PRR5L: variants seen among roughly 807,000 people sequenced by gnomAD.
PRR5L encodes the protein proline-rich protein 5-like.
Under a neutral mutation model 36.4 loss-of-function variants are expected in PRR5L, and 21 were observed. The ratio of observed to expected loss-of-function variants is 0.58; its 90% CI spans 0.41 to 0.83. The LOEUF is 0.83. PRR5L is among the 40% of genes least tolerant of loss of function. The pLI, the probability that PRR5L is intolerant of heterozygous loss-of-function variation, is 0.00. For missense variants in PRR5L, 381 were observed against 473.3 expected (o/e 0.80, Z 1.81); for synonymous variants, 188 against 197.0 (o/e 0.95, Z 0.38).
chr11:36,308,780 C>G (rs889431841), intron 1 of PRR5L, among the ~76,000 whole-genome samples: 2 of 152,172 alleles, frequency 1.3e-5, no homozygotes, highest in African/African-American at 4.8e-5. Flanking sequence ...ATGACTCTAT[C>G]AGAGGCTTTA....
intron 1 of PRR5L, among the ~76,000 whole-genome samples, chr11:36,299,877 A>G (rs1355659851): frequency 6.6e-6 from 1 of 151,572 alleles, no homozygotes; most frequent in Non-Finnish European, 1.5e-5. Flanking sequence ...ATAAAGGTAA[A>G]CAACAACAAC....
intron 8 of PRR5L, 67 bp from the exon 9 acceptor site, chr11:36,462,275 G>T: frequency 7.0e-7 from 1 of 1,431,772 alleles, no homozygotes; most frequent in Non-Finnish European, 9.2e-7. Context: ...CCCCCAGTTG[G>T]ATTAGGAGCT....
intron 2 of PRR5L, among the ~76,000 whole-genome samples, chr11:36,401,528 G>A (rs765012660): frequency 3.0e-4 from 46 of 152,072 alleles, no homozygotes; most frequent in Non-Finnish European, 5.9e-4. Context: ...GGGCTCGGGC[G>A]ATCCTCCTGC....
At chr11:36,369,788 G>T (rs1857180113) in intron 1 of PRR5L, among the ~76,000 whole-genome samples, 1 of 152,158 alleles carries the variant, frequency 6.6e-6, no homozygotes, top group East Asian at 1.9e-4. Flanking sequence ...GTAGAGATGG[G>T]GTTTCACCAT....
intron 1 of PRR5L, among the ~76,000 whole-genome samples, chr11:36,337,234 G>C (rs143957850): frequency 6.6e-6 from 1 of 152,260 alleles, no homozygotes; most frequent in African/African-American, 2.4e-5. Context: ...CCTTTCAGAG[G>C]TGATTAGGCC....
intron 3 of PRR5L, among the ~76,000 whole-genome samples, chr11:36,414,809 T>A (rs1366882140): frequency 2.0e-5 from 3 of 147,650 alleles, no homozygotes; most frequent in African/African-American, 7.7e-5. Context: ...TGAATGGTAA[T>A]GCCTAGGTTT....
intron 1 of PRR5L, among the ~76,000 whole-genome samples, chr11:36,384,352 G>A (rs1358141001): frequency 1.3e-5 from 2 of 152,100 alleles, no homozygotes; most frequent in Non-Finnish European, 2.9e-5. Flanking sequence ...ACAGCCCTTG[G>A]TGTCTGCATT....
At position 36,376,270 on chromosome 11, in the gene PRR5L, C is replaced by T. The variant is rs11826255; in HGVS notation, c.-125-24727C>T. 3,983 of 1,184,508 alleles carry T rather than the reference C, an allele frequency of 3.4e-3. 109 individuals carry two copies. In the African/African-American group the frequency reaches 0.058, roughly 17 times the overall value. The allele number at this position is 1,184,508 out of a possible 1,614,324, so 73.4% of individuals were successfully genotyped here. A position where few individuals can be genotyped will look rare whatever the true frequency, so the allele number is the denominator to read the frequency against. On this transcript the variant is annotated intron_variant, in intron 1 of 8. Transcript: ENST00000530639. ...GGGGGACATTGGAGAGACACTAAAG[C>T]TAGGTGCCCGGGACAGGAAAAGTGG... is the stretch of plus-strand genomic sequence containing the variant.
At chr11:36,409,329 C>A (rs1857976937) in intron 3 of PRR5L, among the ~76,000 whole-genome samples, 1 of 152,146 alleles carries the variant, frequency 6.6e-6, no homozygotes, top group South Asian at 2.1e-4. Context: ...CTGCAGCCGG[C>A]CTGAGACAGG....
intron 1 of PRR5L, among the ~76,000 whole-genome samples, chr11:36,372,074 A>T (rs1199821400): frequency 6.6e-6 from 1 of 152,194 alleles, no homozygotes; most frequent in Non-Finnish European, 1.5e-5. Flanking sequence ...ATAAAAAAAA[A>T]TAATAATAAA....
chr11:36,316,654 G>T (rs925377864), intron 1 of PRR5L, among the ~76,000 whole-genome samples: 18 of 152,228 alleles, frequency 1.2e-4, no homozygotes, highest in African/African-American at 3.9e-4. Flanking sequence ...CCAGTGCAGG[G>T]TCTGCAAAAT....
chr11:36,438,706 G>A (rs191368233), intron 6 of PRR5L, among the ~76,000 whole-genome samples: 45 of 152,228 alleles, frequency 3.0e-4, no homozygotes, highest in African/African-American at 1.1e-3. Flanking sequence ...TTGGGAGGCT[G>A]AGGTGGGTGG....
At chr11:36,298,807 T>C (rs1376893459) in intron 1 of PRR5L, among the ~76,000 whole-genome samples, 1 of 152,202 alleles carries the variant, frequency 6.6e-6, no homozygotes, top group Non-Finnish European at 1.5e-5. Flanking sequence ...TCCTGAGGTC[T>C]CTGTCCTTGG....
chr11:36,432,254 C>G, intron 5 of PRR5L, among the ~76,000 whole-genome samples: 1 of 152,064 alleles, frequency 6.6e-6, no homozygotes, highest in East Asian at 1.9e-4. Context: ...GTGAATCCTC[C>G]ATGCTATTTC....
intron 1 of PRR5L, among the ~76,000 whole-genome samples, chr11:36,319,170 C>T (rs1382391615): frequency 6.6e-6 from 1 of 152,192 alleles, no homozygotes; most frequent in Non-Finnish European, 1.5e-5. Context: ...AAGCAATCAG[C>T]AAGTCTCATC....
chr11:36,311,187 C>A (rs1158395635), intron 1 of PRR5L, among the ~76,000 whole-genome samples: 2 of 152,076 alleles, frequency 1.3e-5, no homozygotes, highest in Non-Finnish European at 2.9e-5. Flanking sequence ...TTTCTTAATT[C>A]TCATTTTGTT....
chr11:36,350,995 T>TATTTATATAG (rs1176848313), intron 1 of PRR5L, among the ~76,000 whole-genome samples: 1 of 84,542 alleles, frequency 1.2e-5, no homozygotes, highest in South Asian at 3.1e-4. Context: ...TATTTATATA[T>TATTTATATAG]TTATATATAT....
intron 8 of PRR5L, among the ~76,000 whole-genome samples, chr11:36,458,223 C>T (rs760211886): frequency 7.9e-5 from 12 of 152,150 alleles, no homozygotes; most frequent in South Asian, 2.1e-4. Context: ...AGTGGGTGGG[C>T]TGCTTCAAGG....
chr11:36,351,239 T>C (rs553146699), intron 1 of PRR5L, among the ~76,000 whole-genome samples: 86 of 85,120 alleles, frequency 1.0e-3, no homozygotes, highest in Non-Finnish European at 1.6e-3. Context: ...TATATATATT[T>C]ATATATATTT....
Sources: allele counts gnomAD v4.1 joint callset (sites outside exome capture counted in the v4.1 genomes callset), GRCh38; gene constraint gnomAD v4.1.1; transcripts MANE v1.5; gene names NCBI Gene and HGNC (gene_info 2026-07-23, HGNC 2026-07-21).